Variants in ADAMTS8 observed in about 807,000 individuals in gnomAD.
The protein encoded by ADAMTS8 is A disintegrin and metalloproteinase with thrombospondin motifs 8.
Under a neutral mutation model 64.4 loss-of-function variants are expected in ADAMTS8, and 50 were observed. That is an observed-to-expected ratio of 0.78 (90% CI 0.62 to 0.98). ADAMTS8 has a LOEUF of 0.98. Among genes scored for constraint, ADAMTS8 ranks in the 50% least tolerant of loss-of-function variants. The pLI is 0.00. For missense variants in ADAMTS8, 1,192 were observed against 1,208.2 expected, an observed-to-expected ratio of 0.99 and a Z score of 0.20; for synonymous variants, 556 against 533.6, an observed-to-expected ratio of 1.04 and a Z score of -0.58.
At position 130,428,530 on chromosome 11, in the gene ADAMTS8, C is replaced by G. The variant is rs1450845093; in HGVS notation, c.-244G>C. On this transcript the variant is annotated 5_prime_UTR_variant, in exon 1 of 9. Coordinates refer to ENST00000257359, the MANE Select transcript of ADAMTS8 (RefSeq NM_007037.6). ...CGAGCGCGAGCAGCTGGCCCCGGCC[C>G]GCGTGCGCCCGTCCTCCGCCCCTGC... 1.2e-6 allele frequency: 1 copy of G among 831,638 alleles called. No individual in the cohort carries two copies. Among genetic ancestry groups the G allele is most frequent in the African/African-American group, 1.9e-5 (1 of 54,018 alleles). 51.5% of individuals were successfully genotyped at this position (831,638 alleles called of 1,614,324 possible).
intron 4 of ADAMTS8, among the ~76,000 whole-genome samples, chr11:130,415,829 T>A (rs1565377060): frequency 6.6e-6 from 1 of 152,126 alleles, no homozygotes; most frequent in Non-Finnish European, 1.5e-5. Context: ...AGTCACTGCC[T>A]CTGTCACGCC....
chr11:130,416,036 G>A lies in ADAMTS8; in HGVS notation c.1264+127C>T, dbSNP rs1284053779. ...TCGGGGGTGGTGTGAATGCCCCAGC[G>A]TGGGAGGCTGGCCGGGGACTCAGCT... On this transcript the variant is annotated intron_variant, in intron 4 of 8. Transcript: ENST00000257359. The surrounding 1 kb of genome is among the most constrained non-coding windows in gnomAD (Gnocchi z 4.8). 12 of 1,150,456 alleles carry A rather than the reference G, an allele frequency of 1.0e-5. No homozygotes were observed. The highest frequency in any genetic ancestry group is 3.1e-5 in the African/African-American group (2 of 64,282). The allele number at this position is 1,150,456 out of a possible 1,614,324, so 71.3% of individuals were successfully genotyped here. A position where few individuals can be genotyped will look rare whatever the true frequency, so the allele number is the denominator to read the frequency against.
At chr11:130,426,839 T>C (rs1862172864) in intron 1 of ADAMTS8, among the ~76,000 whole-genome samples, 1 of 152,252 alleles carries the variant, frequency 6.6e-6, no homozygotes, top group South Asian at 2.1e-4. Context: ...TTCCAGCCCC[T>C]GCGCCCCTCG....
Position 130,417,013 on chromosome 11 carries a change from A to G in ADAMTS8, c.1023T>C (p.Cys341=), listed in dbSNP as rs1042174922. The G allele has an allele frequency of 1.2e-6, 2 of 1,613,930 alleles. No individual in the cohort carries two copies. Among genetic ancestry groups the G allele is most frequent in the Non-Finnish European group, 1.7e-6 (2 of 1,180,018 alleles). ...TCACGGAGCAGCTTTTGTTGGGGTC[A>G]CAAATGGTCCCGATGTCTGCCACAC... The part of the protein sequence containing the change: ...TLGVADIGTI[C]DPNKSCSVIE... The change falls in exon 3 of 9, where the codon TGT becomes TGC. Residue 341 remains cysteine, a synonymous_variant. Transcript: ENST00000257359.
At chr11:130,413,199 A>G (rs1030435936) in intron 5 of ADAMTS8, among the ~76,000 whole-genome samples, 11 of 152,100 alleles carry the variant, frequency 7.2e-5, no homozygotes, top group African/African-American at 2.7e-4. Flanking sequence ...CTTCTTAAAA[A>G]TAGAGGCCAC....
At chr11:130,418,496 G>A (rs983342111) in intron 2 of ADAMTS8, among the ~76,000 whole-genome samples, 20 of 152,348 alleles carry the variant, frequency 1.3e-4, no homozygotes, top group African/African-American at 4.8e-4. Flanking sequence ...CACGAGAGCT[G>A]TGTGGCCACT....
chr11:130,410,409 C>T (rs1861938211), intron 6 of ADAMTS8, among the ~76,000 whole-genome samples: 1 of 152,166 alleles, frequency 6.6e-6, no homozygotes, highest in South Asian at 2.1e-4. Flanking sequence ...ACTTTTCGTC[C>T]ACACCTACCT....
Position 130,405,663 on chromosome 11 carries a change from T to C in ADAMTS8, c.2565A>G (p.Arg855=), listed in dbSNP as rs1861869224. ...SSTCGAGWQR[R]TVECRDPSGQ... Reference sequence around the variant, plus strand: ...CGGAGGGGTCCCTGCACTCTACAGTTCGCCTCTGCCAGCCGGCCCCGCAGG... The same window carrying C: ...CGGAGGGGTCCCTGCACTCTACAGTCCGCCTCTGCCAGCCGGCCCCGCAGG... The change falls in exon 9 of 9, where the codon CGA becomes CGG. Residue 855 remains arginine, a synonymous_variant. Transcript: ENST00000257359. 1 of 1,613,900 alleles carries C rather than the reference T, an allele frequency of 6.2e-7. No homozygotes were observed. Among genetic ancestry groups the C allele is most frequent in the Non-Finnish European group, 8.5e-7 (1 of 1,179,968 alleles).
chr11:130,411,452 TA>T lies in ADAMTS8; in HGVS notation c.1714del (p.Tyr572ThrfsTer71). On this transcript the variant is annotated frameshift_variant, in exon 6 of 9. Coordinates refer to ENST00000257359, the MANE Select transcript of ADAMTS8 (RefSeq NM_007037.6). LOFTEE classifies it high-confidence loss of function. This position sits in a 1 kb window ranked among gnomAD's most constrained non-coding sequence, Gnocchi z 4.2. ...GRYCLGRRAK[Y>X]QSCHTEECPP... The stretch of plus-strand genomic sequence containing the variant: ...GCATTCCTCCGTGTGGCATGACTGG[TA>T]CTTGGCTCTCCGACCCAGGCAGTAT... The T allele has an allele frequency of 6.2e-7, 1 of 1,614,166 alleles. No homozygotes were observed. The highest frequency in any genetic ancestry group is 1.1e-5 in the South Asian group (1 of 91,086).
chr11:130,416,063 T>C lies in ADAMTS8; in HGVS notation c.1264+100A>G, dbSNP rs1862019255. ...GGGAGGCTGGCCGGGGACTCAGCTC[T>C]AAGGGCCCTGTGAGGAGGCACAGCT... is the stretch of plus-strand genomic sequence containing the variant. On this transcript the variant is annotated intron_variant, in intron 4 of 8. Coordinates refer to ENST00000257359, the MANE Select transcript of ADAMTS8 (RefSeq NM_007037.6). The surrounding 1 kb of genome is among the most constrained non-coding windows in gnomAD (Gnocchi z 4.8). 1.4e-6 allele frequency: 2 copies of C among 1,384,338 alleles called. No homozygotes were observed. The highest frequency in any genetic ancestry group is 2.9e-5 in the South Asian group (2 of 68,958). 85.8% of individuals were successfully genotyped at this position (1,384,338 alleles called of 1,614,324 possible). A position where few individuals can be genotyped will look rare whatever the true frequency, so the allele number is the denominator to read the frequency against.
chr11:130,415,809 C>T (rs1365457508), intron 4 of ADAMTS8, among the ~76,000 whole-genome samples: 1 of 152,064 alleles, frequency 6.6e-6, no homozygotes, highest in Non-Finnish European at 1.5e-5. Context: ...CTCTTGCTCT[C>T]ACAGGACGCA....
chr11:130,424,179 C>T (rs1395602027), intron 1 of ADAMTS8, among the ~76,000 whole-genome samples: 1 of 152,192 alleles, frequency 6.6e-6, no homozygotes, highest in African/African-American at 2.4e-5. Context: ...GACCCTAGTC[C>T]TGAGAAAGAG....
At chr11:130,418,261 C>T (rs557465025) in intron 2 of ADAMTS8, among the ~76,000 whole-genome samples, 10 of 141,786 alleles carry the variant, frequency 7.1e-5, no homozygotes, top group South Asian at 6.2e-4. Context: ...GTGATAAGAT[C>T]GGGAAATCTC....
In ADAMTS8 at chr11:130,408,908, A is replaced by G. The variant is rs1237270024; in HGVS notation, c.1783T>C (p.Tyr595His). 1.3e-6 allele frequency: 2 copies of G among 1,582,858 alleles called. No homozygotes were observed. Among genetic ancestry groups the G allele is most frequent in the Admixed American group, 3.5e-5 (2 of 56,584 alleles). Residue 595 changes from tyrosine to histidine, a missense_variant, in exon 7 of 9, where the codon TAT (tyrosine) becomes CAT (histidine). By Grantham distance (83) the Tyr-to-His change is moderately conservative. Around this residue, in one of 5 missense-constraint regions of ADAMTS8, gnomAD observed 290 missense variants for 297.8 expected, o/e 0.97. Coordinates refer to ENST00000257359, the MANE Select transcript of ADAMTS8 (RefSeq NM_007037.6). Reference protein sequence around the residue: ...KSFREQQCEKYNAYNYTDMDG... With the variant: ...KSFREQQCEKHNAYNYTDMDG... ...ATGTCAGTGTAATTGTAGGCATTAT[A>G]CTTCTCACACTGCTGCTCCCTGAAG...
At chr11:130,417,114 GT>G in intron 2 of ADAMTS8, 39 bp from the exon 3 acceptor site, 1 of 1,610,602 alleles carries the variant, frequency 6.2e-7, no homozygotes, top group Non-Finnish European at 8.5e-7. Context: ...GCATCAGTGT[GT>G]GTGTGGGGTG....
Position 130,414,770 on chromosome 11 carries a change from T to G in ADAMTS8, c.1327A>C (p.Met443Leu). The G allele has an allele frequency of 1.9e-6, 3 of 1,613,326 alleles. No individual in the cohort carries two copies. Among genetic ancestry groups the G allele is most frequent in the Non-Finnish European group, 2.5e-6 (3 of 1,179,982 alleles). The change falls in exon 5 of 9, where the codon ATG (methionine) becomes CTG (leucine). Residue 443 changes from methionine (M) to leucine (L), a missense_variant. Physicochemically the swap from Met to Leu is conservative, Grantham distance 15. Transcript: ENST00000257359. ...LPLPTGLPGR[M>L]ALYQLDQQCR... ...TGCTGGTCCAGCTGGTACAGGGCCA[T>G]GCGGCCCGGGAGGCCTGTGGGGAGG...
chr11:130,413,982 G>A (rs533426770), intron 5 of ADAMTS8, among the ~76,000 whole-genome samples: 69 of 152,300 alleles, frequency 4.5e-4, no homozygotes, highest in Non-Finnish European at 8.4e-4. Context: ...CTGGAGCCAC[G>A]GCAGTGTCAA....
In ADAMTS8 at chr11:130,405,091, G is replaced by A; in HGVS notation, c.*467C>T. The stretch of plus-strand genomic sequence containing the variant: ...GAAGACAGTCGTGGTCATTCTTGAA[G>A]ACAGCTTGGGGTCCAGCTTTGGAGC... On this transcript the variant is annotated 3_prime_UTR_variant, in exon 9 of 9. Coordinates refer to ENST00000257359, the MANE Select transcript of ADAMTS8 (RefSeq NM_007037.6). The A allele has an allele frequency of 2.0e-6, 2 of 990,430 alleles. No individual in the cohort carries two copies. Among genetic ancestry groups the A allele is most frequent in the Non-Finnish European group, 2.4e-6 (2 of 833,272 alleles). 61.4% of individuals were successfully genotyped at this position (990,430 alleles called of 1,614,324 possible).
At chr11:130,418,040 G>A (rs999936487) in intron 2 of ADAMTS8, among the ~76,000 whole-genome samples, 8 of 148,432 alleles carry the variant, frequency 5.4e-5, no homozygotes, top group African/African-American at 2.0e-4. Context: ...ATTTAGCTGG[G>A]CAAGGTGCTT....
Sources: allele counts gnomAD v4.1 joint callset (sites outside exome capture counted in the v4.1 genomes callset), GRCh38; gene constraint gnomAD v4.1.1; regional missense constraint gnomAD v4.1.1; non-coding constraint Gnocchi (gnomAD v3.1); transcripts MANE v1.5; gene names NCBI Gene and HGNC (gene_info 2026-07-23, HGNC 2026-07-21).